ETF1: variants seen among roughly 807,000 people sequenced by gnomAD.
ETF1 encodes eukaryotic translation termination factor 1.
A neutral mutation model predicts 55.1 loss-of-function variants in ETF1; 4 were observed. The ratio of observed to expected loss-of-function variants is 0.07; its 90% CI spans 0.04 to 0.17. The LOEUF (loss-of-function observed/expected upper bound fraction) is 0.17, where lower values mean the gene tolerates loss of function less well. Ranked by LOEUF, ETF1 falls within the 10% of genes least tolerant of loss-of-function variation. The pLI, the probability that ETF1 is intolerant of heterozygous loss-of-function variation, is 1.00. For missense variants in ETF1, 142 were observed against 523.6 expected (o/e 0.27, Z 7.11); for synonymous variants, 157 against 182.3 (o/e 0.86, Z 1.12).
intron 1 of ETF1, 26 bp from the exon 2 acceptor site, chr5:138,542,962 G>C: frequency 6.2e-7 from 1 of 1,605,856 alleles, no homozygotes; most frequent in Non-Finnish European, 8.5e-7. Flanking sequence ...GGGGCCCGGA[G>C]ACACCAAGAC....
chr5:138,509,499 C>A (rs534139196), intron 9 of ETF1, among the ~76,000 whole-genome samples: 1 of 152,126 alleles, frequency 6.6e-6, no homozygotes, highest in Non-Finnish European at 1.5e-5. Context: ...TGGTGGGTCA[C>A]GTCTGTAATC....
intron 2 of ETF1, among the ~76,000 whole-genome samples, chr5:138,524,261 G>A (rs553728101): frequency 1.3e-5 from 2 of 151,936 alleles, no homozygotes; most frequent in South Asian, 4.2e-4. Flanking sequence ...TCTGAGGCAC[G>A]AGAATCGCTC....
In ETF1 at chr5:138,510,554, T is replaced by C. The variant is rs368681169; in HGVS notation, c.1083+11A>G. ...TGCACGTATCATCAAACCAAGAAAA[T>C]AATCACATACCTCTTTGTCTGTGAA... is the stretch of plus-strand genomic sequence containing the variant. On this transcript the variant is annotated intron_variant, in intron 9 of 10. Coordinates refer to ENST00000360541, the MANE Select transcript of ETF1 (RefSeq NM_004730.4). The C allele has an allele frequency of 2.4e-5, 39 of 1,595,882 alleles. No homozygotes were observed. Among genetic ancestry groups the C allele is most frequent in the Non-Finnish European group, 3.2e-5 (37 of 1,163,720 alleles).
intron 4 of ETF1, among the ~76,000 whole-genome samples, chr5:138,516,549 A>G (rs535825783): frequency 6.6e-6 from 1 of 152,334 alleles, no homozygotes; most frequent in African/African-American, 2.4e-5. Context: ...CTTGAGGCAC[A>G]AGAATCGCTT....
At position 138,511,268 on chromosome 5, in the gene ETF1, C is replaced by T. The variant is rs144909226; in HGVS notation, c.863-68G>A. 2,931 of 1,573,604 alleles carry T rather than the reference C, an allele frequency of 1.9e-3. 61 individuals are homozygous for T. The African/African-American group carries it at 0.034, about 18-fold the overall frequency. ...CCTAGTAGATACAAACACACCTATT[C>T]GACCTAATGACTAAAGAAGATAAAA... On this transcript the variant is annotated intron_variant, in intron 7 of 10. Coordinates refer to ENST00000360541, the MANE Select transcript of ETF1 (RefSeq NM_004730.4).
At chr5:138,522,528 G>A (rs1416749758) in intron 2 of ETF1, among the ~76,000 whole-genome samples, 2 of 150,674 alleles carry the variant, frequency 1.3e-5, no homozygotes, top group African/African-American at 4.9e-5. Flanking sequence ...GACAAAATAT[G>A]TAACACACAA....
chr5:138,527,403 G>T (rs1765518133), intron 2 of ETF1, among the ~76,000 whole-genome samples: 1 of 152,204 alleles, frequency 6.6e-6, no homozygotes, highest in Non-Finnish European at 1.5e-5. Context: ...CCAAACCACG[G>T]AATCAAGGAA....
rs368573015 is a variant in ETF1, at chr5:138,508,288, G to A, written c.*17C>T. The A allele has an allele frequency of 1.4e-5, 22 of 1,611,110 alleles. No homozygotes were observed. The highest frequency in any genetic ancestry group is 1.0e-4 in the Admixed American group (6 of 59,702). Reference sequence around the variant, plus strand: ...GCTGGAGGGTGAGGCACGTTTTGCCGGACCCATGTCGACTACCTAGTAGTC... The same window carrying A: ...GCTGGAGGGTGAGGCACGTTTTGCCAGACCCATGTCGACTACCTAGTAGTC... On this transcript the variant is annotated 3_prime_UTR_variant, in exon 11 of 11. Transcript: ENST00000360541.
At position 138,508,489 on chromosome 5, in the gene ETF1, T is replaced by C. The variant is rs559803801; in HGVS notation, c.1232-102A>G. Reference sequence around the variant, plus strand: ...AGGGAAGCCCTATTCTCTTGCAGAATTGCAGAAAGCAAAGAGGTAATAATA... The same window carrying C: ...AGGGAAGCCCTATTCTCTTGCAGAACTGCAGAAAGCAAAGAGGTAATAATA... On this transcript the variant is annotated intron_variant, in intron 10 of 10. Coordinates refer to ENST00000360541, the MANE Select transcript of ETF1 (RefSeq NM_004730.4). 548 of 1,571,010 alleles carry C rather than the reference T, an allele frequency of 3.5e-4. 10 individuals are homozygous for C. In the South Asian group the frequency reaches 6.1e-3, roughly 17 times the overall value.
chr5:138,543,190 T>G lies in ETF1; in HGVS notation c.-112A>C. ...TGACGTAGGACACCGGCTCCCTCTC[T>G]CCAGGCAGCTGCATGTGTTGCAATC... On this transcript the variant is annotated 5_prime_UTR_variant, in exon 1 of 11. Transcript: ENST00000360541. The G allele has an allele frequency of 1.8e-6, 1 of 553,138 alleles. No homozygotes were observed. 34.3% of individuals were successfully genotyped at this position (553,138 alleles called of 1,614,324 possible). A position where few individuals can be genotyped will look rare whatever the true frequency, so the allele number is the denominator to read the frequency against.
intron 2 of ETF1, among the ~76,000 whole-genome samples, chr5:138,524,797 T>C (rs560377879): frequency 1.0e-3 from 156 of 151,918 alleles, no homozygotes; most frequent in African/African-American, 2.2e-3. Flanking sequence ...AGGATGGTCT[T>C]GATCTCCTGA....
intron 2 of ETF1, 92 bp downstream of exon 2, chr5:138,542,741 G>A (rs893065877): frequency 1.4e-5 from 22 of 1,557,094 alleles, no homozygotes; most frequent in African/African-American, 2.7e-5. Context: ...CTAGTGCCTG[G>A]TTCTCCTCAT....
rs377220516 is a variant in ETF1, at chr5:138,511,172, G to A, written c.891C>T (p.Asp297=). Residue 297 remains aspartate, a synonymous_variant, in exon 8 of 11, where the codon GAC becomes GAT. Transcript: ENST00000360541. Reference sequence around the variant, plus strand: ...CAACGCCAAAACAGTACTTGCCCGTGTCCTGGCTGATTTCATCAAAGTATC... The same window carrying A: ...CAACGCCAAAACAGTACTTGCCCGTATCCTGGCTGATTTCATCAAAGTATC... ...IGRYFDEISQ[D]TGKYCFGVED... is the part of the protein sequence containing the mutation. 2.5e-6 allele frequency: 4 copies of A among 1,614,002 alleles called. No individual in the cohort carries two copies. Among genetic ancestry groups the A allele is most frequent in the Non-Finnish European group, 3.4e-6 (4 of 1,179,978 alleles).
chr5:138,542,755 G>A (rs563196095), intron 2 of ETF1, 78 bp downstream of exon 2: 4 of 1,573,294 alleles, frequency 2.5e-6, no homozygotes, highest in Non-Finnish European at 3.4e-6. Flanking sequence ...TCCTCATCCG[G>A]CCATGCGGCG....
intron 1 of ETF1, 71 bp from the exon 2 acceptor site, chr5:138,543,007 C>T (rs893001408): frequency 5.5e-5 from 78 of 1,416,858 alleles, no homozygotes; most frequent in Non-Finnish European, 7.5e-5. Context: ...GCAGAGCGGC[C>T]CCCTTCCTCG....
At chr5:138,523,332 A>G (rs1297019033) in intron 2 of ETF1, among the ~76,000 whole-genome samples, 1 of 152,082 alleles carries the variant, frequency 6.6e-6, no homozygotes, top group East Asian at 1.9e-4. Flanking sequence ...GAGCCACTGC[A>G]CTGCAGCCTG....
chr5:138,535,517 C>T (rs1765885485), intron 2 of ETF1, among the ~76,000 whole-genome samples: 1 of 151,712 alleles, frequency 6.6e-6, no homozygotes, highest in Admixed American at 6.6e-5. Flanking sequence ...GTCAGGAGTT[C>T]GAGACCAGCT....
chr5:138,543,083 T>A lies in ETF1; in HGVS notation c.-19+14A>T, dbSNP rs748090633. 2.1e-4 allele frequency: 143 copies of A among 691,586 alleles called. No individual in the cohort carries two copies. The highest frequency in any genetic ancestry group is 3.2e-4 in the Non-Finnish European group (132 of 416,128). 42.8% of individuals were successfully genotyped at this position (691,586 alleles called of 1,614,324 possible). A position where few individuals can be genotyped will look rare whatever the true frequency, so the allele number is the denominator to read the frequency against. On this transcript the variant is annotated intron_variant, in intron 1 of 10. Coordinates refer to ENST00000360541, the MANE Select transcript of ETF1 (RefSeq NM_004730.4). Reference sequence around the variant, plus strand: ...GCCACAAAGGTCACCGGCCTTTCCCTCCCTGTGCCTTACCTAAGGGCCCAG... The same window carrying A: ...GCCACAAAGGTCACCGGCCTTTCCCACCCTGTGCCTTACCTAAGGGCCCAG...
intron 2 of ETF1, among the ~76,000 whole-genome samples, chr5:138,525,153 T>C (rs1030799192): frequency 4.6e-5 from 7 of 151,432 alleles, no homozygotes; most frequent in African/African-American, 1.7e-4. Context: ...ACCAGCTTAC[T>C]ATTAATAATT....
Sources: allele counts gnomAD v4.1 joint callset (sites outside exome capture counted in the v4.1 genomes callset), GRCh38; gene constraint gnomAD v4.1.1; transcripts MANE v1.5; gene names NCBI Gene and HGNC (gene_info 2026-07-23, HGNC 2026-07-21).